PTPRD: variants seen among roughly 807,000 people sequenced by gnomAD.
The protein encoded by PTPRD is protein tyrosine phosphatase receptor type D.
PTPRD carries 34 observed loss-of-function variants against 214.5 expected under a neutral mutation model. That is an observed-to-expected ratio of 0.16 (90% CI 0.12 to 0.21). The LOEUF (loss-of-function observed/expected upper bound fraction) is 0.21. PTPRD is among the 10% of genes least tolerant of loss of function. The probability of loss-of-function intolerance (pLI) is 1.00; values close to 1 mark genes in which losing one functional copy is unlikely to be tolerated. For missense variants in PTPRD, 2,545 were observed against 2,398.7 expected (o/e 1.06, Z -1.27); for synonymous variants, 1,128 against 845.7 (o/e 1.33, Z -5.79).
intron 7 of PTPRD, among the ~76,000 whole-genome samples, chr9:9,625,126 G>T (rs1225406413): frequency 6.6e-6 from 1 of 152,160 alleles, no homozygotes; most frequent in Admixed American, 6.5e-5. Context: ...GTCCACAGTA[G>T]TTCTTGGACC....
At chr9:10,038,795 G>A (rs1165772749) in intron 3 of PTPRD, among the ~76,000 whole-genome samples, 1 of 151,938 alleles carries the variant, frequency 6.6e-6, no homozygotes, top group Non-Finnish European at 1.5e-5. Context: ...TCTAGATTAT[G>A]GGTATAAAAT....
At chr9:9,385,646 A>G (rs1295304663) in intron 9 of PTPRD, among the ~76,000 whole-genome samples, 1 of 152,170 alleles carries the variant, frequency 6.6e-6, no homozygotes, top group East Asian at 1.9e-4. Flanking sequence ...AACCTTAGTG[A>G]AAGTGAATAC....
intron 3 of PTPRD, among the ~76,000 whole-genome samples, chr9:10,128,529 A>G (rs777151892): frequency 1.3e-5 from 2 of 152,146 alleles, no homozygotes; most frequent in Non-Finnish European, 2.9e-5. Context: ...GAAGAAGCCA[A>G]TCCTGCTGAC....
At chr9:9,767,357 T>C (rs898379805) in intron 5 of PTPRD, among the ~76,000 whole-genome samples, 6 of 152,052 alleles carry the variant, frequency 3.9e-5, no homozygotes, top group African/African-American at 1.4e-4. Context: ...TCAAAAACTT[T>C]CAGGCAGTGC....
At chr9:9,361,844 T>A (rs1337709548) in intron 9 of PTPRD, among the ~76,000 whole-genome samples, 2 of 150,988 alleles carry the variant, frequency 1.3e-5, no homozygotes. Flanking sequence ...ATACAACTAT[T>A]TATCAGGGCC....
In PTPRD at chr9:8,817,723, G is replaced by C. The variant is rs576930483; in HGVS notation, c.-103-83777C>G. ...GTAAAATCCATAAAATACCTAATAA[G>C]CATACTGATTATGGGAGTTGGTAGT... On this transcript the variant is annotated intron_variant, in intron 11 of 45. Coordinates refer to ENST00000381196, the MANE Select transcript of PTPRD (RefSeq NM_002839.4). Among the ~76,000 whole-genome samples the C allele has an allele frequency of 1.5e-4, 23 of 152,244 alleles. 2 individuals carry two copies. The highest frequency in any genetic ancestry group is 5.1e-4 in the African/African-American group (21 of 41,546).
chr9:9,983,759 A>C (rs1315251089), intron 4 of PTPRD, among the ~76,000 whole-genome samples: 1 of 152,224 alleles, frequency 6.6e-6, no homozygotes, highest in Non-Finnish European at 1.5e-5. Context: ...ACTGTCATAG[A>C]ATGTCCACGC....
chr9:10,403,103 A>G (rs1439285205), intron 2 of PTPRD, among the ~76,000 whole-genome samples: 2 of 151,026 alleles, frequency 1.3e-5, no homozygotes, highest in Admixed American at 1.3e-4. Flanking sequence ...TAGGTATAGA[A>G]ATAAAGGTGC....
intron 5 of PTPRD, among the ~76,000 whole-genome samples, chr9:9,925,843 T>C (rs996179238): frequency 1.3e-5 from 2 of 152,112 alleles, no homozygotes; most frequent in African/African-American, 4.8e-5. Flanking sequence ...TGTTTGTTTG[T>C]TTTGAGTTAG....
At chr9:8,719,929 G>T (rs1305898440) in intron 12 of PTPRD, among the ~76,000 whole-genome samples, 1 of 152,058 alleles carries the variant, frequency 6.6e-6, no homozygotes, top group Non-Finnish European at 1.5e-5. Context: ...AGTTCCAGAG[G>T]AAACTGCAGG....
chr9:9,881,145 T>C (rs898340342), intron 5 of PTPRD, among the ~76,000 whole-genome samples: 4 of 152,118 alleles, frequency 2.6e-5, no homozygotes, highest in Non-Finnish European at 1.5e-5. Flanking sequence ...TTTAAAAAAA[T>C]AAATTCTATA....
chr9:8,823,192 G>T (rs74573147), intron 11 of PTPRD, among the ~76,000 whole-genome samples: 6,195 of 151,862 alleles, frequency 0.041, 228 homozygotes, highest in East Asian at 0.089. Flanking sequence ...TCTTTCTCAG[G>T]CTCCTTAGAA....
rs1195323108 is a variant in PTPRD at position 9,812,427 on chromosome 9, G to A, written c.-367-45576C>T. Among the ~76,000 whole-genome samples the A allele has an allele frequency of 7.9e-5, 12 of 152,174 alleles. No individual in the cohort carries two copies. In the South Asian group the frequency reaches 1.5e-3, roughly 18 times the overall value. ...AAAGTTGCAGCAATATGCTCCCTGT[G>A]AGAGACTAACTTTAGCTTTAAGGTC... On this transcript the variant is annotated intron_variant, in intron 5 of 45. Coordinates refer to ENST00000381196, the MANE Select transcript of PTPRD (RefSeq NM_002839.4).
chr9:9,130,539 T>C lies in PTPRD; in HGVS notation c.-143+52765A>G, dbSNP rs143805124. 2.6e-3 allele frequency among the ~76,000 whole-genome samples: 392 copies of C among 152,308 alleles called. 3 individuals are homozygous for C. Among genetic ancestry groups the C allele is most frequent in the African/African-American group, 8.7e-3 (361 of 41,578 alleles). ...TAAATTCCAGAAAACAATCAATATC[T>C]AGGAATGAAAGTAGGAATCCTGCAT... On this transcript the variant is annotated intron_variant, in intron 10 of 45. Transcript: ENST00000381196.
chr9:9,581,096 A>G (rs995770373), intron 7 of PTPRD, among the ~76,000 whole-genome samples: 8 of 152,176 alleles, frequency 5.3e-5, no homozygotes, highest in African/African-American at 1.9e-4. Flanking sequence ...AAGCAGATAC[A>G]TAACTATATT....
At chr9:9,783,513 T>G (rs1440494698) in intron 5 of PTPRD, among the ~76,000 whole-genome samples, 1 of 152,150 alleles carries the variant, frequency 6.6e-6, no homozygotes, top group African/African-American at 2.4e-5. Flanking sequence ...CTGGGAATAC[T>G]GAGGAATAGC....
chr9:8,713,948 G>C, intron 12 of PTPRD: 2 of 639,086 alleles, frequency 3.1e-6, no homozygotes, highest in African/African-American at 1.8e-5. Context: ...ACCATGGTGA[G>C]AATTAGTGAG....
intron 15 of PTPRD, 138 bp downstream of exon 15, chr9:8,528,453 T>C (rs1366116650): frequency 3.9e-6 from 3 of 773,268 alleles, no homozygotes; most frequent in Non-Finnish European, 6.5e-6. Flanking sequence ...GGACCACCCA[T>C]TAAGTAACAG....
chr9:9,323,252 CA>C (rs1451122672), intron 9 of PTPRD, among the ~76,000 whole-genome samples: 5 of 151,680 alleles, frequency 3.3e-5, no homozygotes, highest in Non-Finnish European at 5.9e-5. Flanking sequence ...TTAAAAAAGA[CA>C]AAGACAAGAC....
Sources: allele counts gnomAD v4.1 joint callset (sites outside exome capture counted in the v4.1 genomes callset), GRCh38; gene constraint gnomAD v4.1.1; transcripts MANE v1.5; gene names NCBI Gene and HGNC (gene_info 2026-07-23, HGNC 2026-07-21).